The following KCNG3 variants were observed in gnomAD, a reference collection of about 807,000 sequenced individuals.
KCNG3 encodes voltage-gated potassium channel regulatory subunit KCNG3.
In KCNG3, 15 loss-of-function variants were observed where a neutral mutation model predicts 29.0. The ratio of observed to expected loss-of-function variants is 0.52; its 90% CI spans 0.35 to 0.80. The LOEUF (loss-of-function observed/expected upper bound fraction) is 0.80, where lower values mean the gene tolerates loss of function less well. KCNG3 is among the 30% of genes least tolerant of loss of function. The pLI is 0.01. For synonymous variants in KCNG3, 322 were observed against 248.9 expected, an observed-to-expected ratio of 1.29 and a Z score of -2.76; for missense variants, 512 against 605.7, an observed-to-expected ratio of 0.85 and a Z score of 1.62.
chr2:42,408,424 C>T, the KCNG3 span, among the ~76,000 whole-genome samples: 3 of 152,132 alleles, frequency 2.0e-5, no homozygotes, highest in African/African-American at 7.2e-5. Flanking sequence ...AGCCCAGGTT[C>T]AGCTAGAGCT....
At chr2:42,431,589 A>C in the KCNG3 span, among the ~76,000 whole-genome samples, 12 of 152,348 alleles carry the variant, frequency 7.9e-5, no homozygotes, top group Admixed American at 6.5e-4. Context: ...AAGAAAAGTT[A>C]GTCAAAACCG....
chr2:42,410,932 C>T, the KCNG3 span, among the ~76,000 whole-genome samples: 2 of 152,122 alleles, frequency 1.3e-5, no homozygotes, highest in African/African-American at 2.4e-5. Flanking sequence ...TTATGTTGTA[C>T]ATTTATCTTT....
At chr2:42,464,098 G>C in intron 1 of KCNG3, 1 of 209,666 alleles carries the variant, frequency 4.8e-6, no homozygotes, top group Non-Finnish European at 9.6e-6. Flanking sequence ...GAAAAGCGAG[G>C]TAGTTCATTC....
At chr2:42,433,229 A>G in the KCNG3 span, among the ~76,000 whole-genome samples, 1 of 152,250 alleles carries the variant, frequency 6.6e-6, no homozygotes, top group Non-Finnish European at 1.5e-5. Context: ...ATGATCTTAT[A>G]TATAGAAAAC....
chr2:42,411,653 T>G, the KCNG3 span, among the ~76,000 whole-genome samples: 2 of 152,164 alleles, frequency 1.3e-5, no homozygotes, highest in South Asian at 4.1e-4. Context: ...CAGCTAATTT[T>G]TGTATATTTA....
chr2:42,451,589 G>T (rs1461347587), intron 1 of KCNG3, among the ~76,000 whole-genome samples: 2 of 152,198 alleles, frequency 1.3e-5, no homozygotes, highest in South Asian at 4.1e-4. Flanking sequence ...GCTGGGCGTG[G>T]TGGTGCACGC....
chr2:42,458,756 A>C (rs1672941630), intron 1 of KCNG3, among the ~76,000 whole-genome samples: 2 of 151,872 alleles, frequency 1.3e-5, no homozygotes, highest in South Asian at 4.2e-4. Context: ...GACAGACTTT[A>C]AAACCTCAGA....
the KCNG3 span, among the ~76,000 whole-genome samples, chr2:42,405,571 T>C: frequency 6.6e-6 from 1 of 152,106 alleles, no homozygotes; most frequent in South Asian, 2.1e-4. Flanking sequence ...CCTGAATAGC[T>C]AAGATTACAG....
intron 1 of KCNG3, among the ~76,000 whole-genome samples, chr2:42,483,951 C>G (rs13021197): frequency 0.27 from 40,912 of 151,930 alleles, 5,547 homozygotes; most frequent in Middle Eastern, 0.36. Flanking sequence ...GTCACCACAC[C>G]CGGCTAAATT....
chr2:42,485,848 G>C (rs2103736859), intron 1 of KCNG3, among the ~76,000 whole-genome samples: 1 of 152,312 alleles, frequency 6.6e-6, no homozygotes, highest in East Asian at 1.9e-4. Flanking sequence ...GATGTTACTA[G>C]AAGGCAAACT....
chr2:42,456,249 C>T (rs1161747292), intron 1 of KCNG3, among the ~76,000 whole-genome samples: 1 of 152,108 alleles, frequency 6.6e-6, no homozygotes, highest in Non-Finnish European at 1.5e-5. Flanking sequence ...TGGCTAGGTG[C>T]AGTGGCTCAC....
chr2:42,477,951 C>T (rs1295788588), intron 1 of KCNG3, among the ~76,000 whole-genome samples: 6 of 151,954 alleles, frequency 3.9e-5, no homozygotes, highest in African/African-American at 1.2e-4. Context: ...CCTGACACAA[C>T]GCACCTTAGT....
chr2:42,464,865 T>C (rs1422846025), intron 1 of KCNG3, among the ~76,000 whole-genome samples: 1 of 152,148 alleles, frequency 6.6e-6, no homozygotes, highest in Admixed American at 6.6e-5. Flanking sequence ...AATTCAGCCG[T>C]CTGTCTCTCC....
rs1383487956 is a variant in KCNG3 at position 42,493,825 on chromosome 2, A to C, written c.-324T>G. 4.4e-6 allele frequency: 1 copy of C among 226,090 alleles called. No individual in the cohort carries two copies. The highest frequency in any genetic ancestry group is 2.3e-5 in the African/African-American group (1 of 43,530). 14.0% of individuals were successfully genotyped at this position (226,090 alleles called of 1,614,324 possible). On this transcript the variant is annotated 5_prime_UTR_variant, in exon 1 of 2. Transcript: ENST00000306078. The stretch of plus-strand genomic sequence containing the variant: ...TCGCGCCCGAGGGCTGCGCACACCG[A>C]GGCCGCGGTGCCCTCTCCCAAGCCG...
intron 1 of KCNG3, among the ~76,000 whole-genome samples, chr2:42,454,847 T>C (rs1672841715): frequency 6.6e-6 from 1 of 152,108 alleles, no homozygotes; most frequent in South Asian, 2.1e-4. Flanking sequence ...ACTAGTCAAA[T>C]TCACAGAAAC....
At chr2:42,414,190 C>T in the KCNG3 span, among the ~76,000 whole-genome samples, 1 of 152,292 alleles carries the variant, frequency 6.6e-6, no homozygotes, top group East Asian at 1.9e-4. Flanking sequence ...GCATCATGCT[C>T]TTTCCTTTTG....
intron 1 of KCNG3, among the ~76,000 whole-genome samples, chr2:42,487,698 G>C (rs550225818): frequency 6.6e-6 from 1 of 152,304 alleles, no homozygotes; most frequent in East Asian, 1.9e-4. Flanking sequence ...TTGGAGAGTA[G>C]TTTGGAATTA....
intron 1 of KCNG3, among the ~76,000 whole-genome samples, chr2:42,488,129 T>G (rs542001470): frequency 2.0e-5 from 3 of 152,336 alleles, no homozygotes; most frequent in African/African-American, 7.2e-5. Context: ...GGAGAAAGGC[T>G]TAGTTTTGTA....
chr2:42,490,291 C>G (rs887676910), intron 1 of KCNG3, among the ~76,000 whole-genome samples: 7 of 152,098 alleles, frequency 4.6e-5, no homozygotes, highest in Non-Finnish European at 7.3e-5. Flanking sequence ...AATGACACTC[C>G]CTGGCCAGGC....
Sources: gnomAD v4.1 joint callset for allele counts (sites outside exome capture counted in the v4.1 genomes callset) on GRCh38, gnomAD v4.1.1 for gene constraint, MANE v1.5 for transcripts, NCBI Gene and HGNC (gene_info 2026-07-23, HGNC 2026-07-21) for gene names.